The following ALK variants were observed in gnomAD, a reference collection of about 807,000 sequenced individuals.
ALK encodes the protein ALK tyrosine kinase receptor.
Under a neutral mutation model 163.1 loss-of-function variants are expected in ALK, and 74 were observed. The ratio of observed to expected loss-of-function variants is 0.45; its 90% CI spans 0.38 to 0.55. ALK has a LOEUF of 0.55. Among genes scored for constraint, ALK ranks in the 20% least tolerant of loss-of-function variants. The pLI is 0.00. For synonymous variants in ALK, 960 were observed against 843.2 expected (o/e 1.14, Z -2.40); for missense variants, 2,063 against 2,105.3 (o/e 0.98, Z 0.39).
intron 3 of ALK, among the ~76,000 whole-genome samples, chr2:29,646,542 C>T (rs536261662): frequency 9.5e-4 from 145 of 152,216 alleles, no homozygotes; most frequent in South Asian, 3.9e-3. Context: ...GTTTCCAAGA[C>T]GCTTACAGCC....
At chr2:29,557,988 C>T (rs768223368) in intron 3 of ALK, among the ~76,000 whole-genome samples, 15 of 152,132 alleles carry the variant, frequency 9.9e-5, no homozygotes, top group Non-Finnish European at 2.1e-4. Flanking sequence ...TGTCTCTTTC[C>T]TCCTCCAGGT....
At chr2:29,567,412 C>T (rs1674222831) in intron 3 of ALK, among the ~76,000 whole-genome samples, 2 of 152,182 alleles carry the variant, frequency 1.3e-5, no homozygotes, top group Non-Finnish European at 1.5e-5. Context: ...GGGCAGGGGT[C>T]AAGTCCATAT....
At chr2:29,551,248 G>A (rs571413601) in intron 3 of ALK, among the ~76,000 whole-genome samples, 13 of 152,206 alleles carry the variant, frequency 8.5e-5, no homozygotes, top group African/African-American at 3.1e-4. Flanking sequence ...AATGGTAAAT[G>A]TTCAATACAT....
At chr2:29,733,212 T>C (rs1679796716) in intron 1 of ALK, among the ~76,000 whole-genome samples, 2 of 152,124 alleles carry the variant, frequency 1.3e-5, no homozygotes, top group South Asian at 4.1e-4. Flanking sequence ...AAGTCATACA[T>C]GAAGTAAAGC....
intron 1 of ALK, among the ~76,000 whole-genome samples, chr2:29,882,347 C>T (rs1451778432): frequency 6.6e-6 from 1 of 152,168 alleles, no homozygotes; most frequent in Non-Finnish European, 1.5e-5. Flanking sequence ...AACATAATGT[C>T]TCAATATAAA....
chr2:29,762,860 G>A (rs902422211), intron 1 of ALK, among the ~76,000 whole-genome samples: 1 of 152,048 alleles, frequency 6.6e-6, no homozygotes, highest in Non-Finnish European at 1.5e-5. Context: ...AGGCCGAGGC[G>A]GGCGGATCAC....
At chr2:29,790,616 C>G (rs1664164501) in intron 1 of ALK, among the ~76,000 whole-genome samples, 1 of 152,176 alleles carries the variant, frequency 6.6e-6, no homozygotes, top group African/African-American at 2.4e-5. Flanking sequence ...TGGAGTCTTG[C>G]TCTGTCACCC....
chr2:29,847,325 C>T (rs4594403), intron 1 of ALK, among the ~76,000 whole-genome samples: 65,350 of 151,862 alleles, frequency 0.43, 14,359 homozygotes, highest in Middle Eastern at 0.47. Context: ...TGGACCTGGG[C>T]TCCTATCTGC....
At chr2:29,523,960 T>C (rs959607791) in intron 4 of ALK, among the ~76,000 whole-genome samples, 2 of 148,208 alleles carry the variant, frequency 1.3e-5, no homozygotes, top group African/African-American at 5.0e-5. Context: ...CCTTTGTACT[T>C]CATGACAACC....
At chr2:29,687,731 T>C (rs113620560) in intron 3 of ALK, among the ~76,000 whole-genome samples, 1 of 152,272 alleles carries the variant, frequency 6.6e-6, no homozygotes, top group Non-Finnish European at 1.5e-5. Flanking sequence ...TTTTTTCTTT[T>C]ACAAACAATT....
At chr2:29,593,529 C>T (rs920283822) in intron 3 of ALK, among the ~76,000 whole-genome samples, 6 of 152,236 alleles carry the variant, frequency 3.9e-5, no homozygotes, top group Admixed American at 6.5e-5. Context: ...TAAGGACCTA[C>T]AGGAGGTCCC....
intron 1 of ALK, among the ~76,000 whole-genome samples, chr2:29,834,218 T>C (rs1558510438): frequency 6.6e-6 from 1 of 152,190 alleles, no homozygotes; most frequent in Admixed American, 6.5e-5. Flanking sequence ...GGGGAAAATA[T>C]GAGACTGCTT....
chr2:29,404,402 A>T (rs756323171), intron 4 of ALK, among the ~76,000 whole-genome samples: 1 of 152,142 alleles, frequency 6.6e-6, no homozygotes, highest in Non-Finnish European at 1.5e-5. Context: ...AACACCTTAC[A>T]GTGCATGCAG....
chr2:29,271,531 C>A (rs947646960), intron 11 of ALK, among the ~76,000 whole-genome samples: 1 of 152,116 alleles, frequency 6.6e-6, no homozygotes, highest in Non-Finnish European at 1.5e-5. Flanking sequence ...GAGCTGGAAA[C>A]GGGAAGGGAC....
intron 3 of ALK, among the ~76,000 whole-genome samples, chr2:29,537,601 C>T (rs140632059): frequency 2.3e-4 from 35 of 152,318 alleles, no homozygotes; most frequent in African/African-American, 6.3e-4. Flanking sequence ...AGGGAAAATG[C>T]GGGGTTGGAG....
chr2:29,668,827 C>T (rs986677747), intron 3 of ALK, among the ~76,000 whole-genome samples: 1 of 152,088 alleles, frequency 6.6e-6, no homozygotes, highest in African/African-American at 2.4e-5. Flanking sequence ...GGAGACCTCA[C>T]AATCATGGTG....
At chr2:29,836,364 G>C (rs139992052) in intron 1 of ALK, among the ~76,000 whole-genome samples, 2 of 152,084 alleles carry the variant, frequency 1.3e-5, no homozygotes, top group Non-Finnish European at 2.9e-5. Flanking sequence ...AAAGTAGAGA[G>C]GGGCTCTCTG....
intron 4 of ALK, among the ~76,000 whole-genome samples, chr2:29,481,013 C>T (rs1409320392): frequency 6.6e-6 from 1 of 152,162 alleles, no homozygotes; most frequent in Non-Finnish European, 1.5e-5. Context: ...CGGCATGATC[C>T]TTTGAACCAT....
chr2:29,562,580 C>T (rs1245942494), intron 3 of ALK, among the ~76,000 whole-genome samples: 1 of 152,164 alleles, frequency 6.6e-6, no homozygotes, highest in East Asian at 1.9e-4. Flanking sequence ...AATGAACCAC[C>T]ACACTGCATT....
Sources: gnomAD v4.1 joint callset for allele counts (sites outside exome capture counted in the v4.1 genomes callset) on GRCh38, gnomAD v4.1.1 for gene constraint, MANE v1.5 for transcripts, NCBI Gene and HGNC (gene_info 2026-07-23, HGNC 2026-07-21) for gene names.